Variants in DPYD observed in about 807,000 individuals in gnomAD.
DPYD encodes the protein dihydropyrimidine dehydrogenase.
A neutral mutation model predicts 116.2 loss-of-function variants in DPYD; 109 were observed. That is an observed-to-expected ratio of 0.94 (90% confidence interval 0.80 to 1.10). The LOEUF (loss-of-function observed/expected upper bound fraction) is 1.10. Ranked by LOEUF, DPYD falls within the 50% of genes least tolerant of loss-of-function variation. The probability of loss-of-function intolerance (pLI) is 0.00; values close to 1 mark genes in which losing one functional copy is unlikely to be tolerated. For synonymous variants in DPYD, 440 were observed against 432.0 expected, an observed-to-expected ratio of 1.02 and a Z score of -0.23; for missense variants, 1,302 against 1,254.5, an observed-to-expected ratio of 1.04 and a Z score of -0.57.
At chr1:97,751,460 G>GTATA (rs1553233231) in intron 3 of DPYD, among the ~76,000 whole-genome samples, 724 of 21,202 alleles carry the variant, frequency 0.034, 53 homozygotes, top group Admixed American at 0.1. Context: ...GTGTGTGTGT[G>GTATA]TATATATATA....
intron 16 of DPYD, among the ~76,000 whole-genome samples, chr1:97,347,607 A>C (rs1017429996): frequency 6.6e-6 from 1 of 152,114 alleles, no homozygotes; most frequent in Middle Eastern, 3.4e-3. Flanking sequence ...TTCTTACACT[A>C]ATCTTTCAAT....
At chr1:97,903,027 T>C (rs987490747) in intron 1 of DPYD, among the ~76,000 whole-genome samples, 2 of 151,876 alleles carry the variant, frequency 1.3e-5, no homozygotes, top group Admixed American at 6.6e-5. Context: ...TTAAGGTTAC[T>C]GGGCTGGCAC....
intron 8 of DPYD, among the ~76,000 whole-genome samples, chr1:97,663,366 T>G (rs1335149014): frequency 6.6e-6 from 1 of 152,216 alleles, no homozygotes; most frequent in African/African-American, 2.4e-5. Context: ...TCCCGACTTG[T>G]ACCTATTTCT....
At chr1:97,675,668 A>G (rs770126963) in intron 8 of DPYD, among the ~76,000 whole-genome samples, 3 of 152,182 alleles carry the variant, frequency 2.0e-5, no homozygotes, top group African/African-American at 7.2e-5. Context: ...ATTTTACACA[A>G]TCTAACGTAG....
chr1:97,667,514 T>A (rs1659630888), intron 8 of DPYD, among the ~76,000 whole-genome samples: 1 of 152,148 alleles, frequency 6.6e-6, no homozygotes, highest in Non-Finnish European at 1.5e-5. Flanking sequence ...CATTATATAC[T>A]ACTTACATCC....
At chr1:97,656,842 A>T (rs1176635953) in intron 8 of DPYD, among the ~76,000 whole-genome samples, 1 of 150,806 alleles carries the variant, frequency 6.6e-6, no homozygotes, top group Non-Finnish European at 1.5e-5. Context: ...CAAAAGACTG[A>T]CTGGATCTAT....
chr1:97,644,619 G>T (rs945714646), intron 8 of DPYD, among the ~76,000 whole-genome samples: 103 of 139,378 alleles, frequency 7.4e-4, no homozygotes, highest in Non-Finnish European at 2.5e-4. Flanking sequence ...TTTTGTTTTT[G>T]TTTTTTTTTT....
chr1:97,595,958 T>C (rs941277892), intron 8 of DPYD, among the ~76,000 whole-genome samples: 1 of 152,220 alleles, frequency 6.6e-6, no homozygotes, highest in South Asian at 2.1e-4. Context: ...GAACTTGTCA[T>C]ACTCTTTCAG....
In DPYD at chr1:97,910,197, C is replaced by T. The variant is rs181378933; in HGVS notation, c.39+10687G>A. Among the ~76,000 whole-genome samples the T allele has an allele frequency of 8.8e-3, 1,341 of 152,090 alleles. 9 individuals carry two copies. Among genetic ancestry groups the T allele is most frequent in the Non-Finnish European group, 0.013 (860 of 67,954 alleles). ...CTGTATATTAAAGAAATTTTTTTTA[C>T]TATTGTTCCTCCATTAGAATGCAAT... is the stretch of plus-strand genomic sequence containing the variant. On this transcript the variant is annotated intron_variant, in intron 1 of 22. Coordinates refer to ENST00000370192, the MANE Select transcript of DPYD (RefSeq NM_000110.4).
intron 13 of DPYD, among the ~76,000 whole-genome samples, chr1:97,498,252 C>T (rs1679381970): frequency 6.6e-6 from 1 of 151,570 alleles, no homozygotes; most frequent in African/African-American, 2.4e-5. Context: ...ATGATGGATA[C>T]ACATTTGTGA....
At chr1:97,907,001 C>A (rs1271470502) in intron 1 of DPYD, among the ~76,000 whole-genome samples, 1 of 152,012 alleles carries the variant, frequency 6.6e-6, no homozygotes, top group Non-Finnish European at 1.5e-5. Flanking sequence ...TCCAATATTG[C>A]CACAGTCATC....
At chr1:97,411,643 T>C (rs1008878502) in intron 14 of DPYD, among the ~76,000 whole-genome samples, 6 of 152,236 alleles carry the variant, frequency 3.9e-5, no homozygotes, top group Non-Finnish European at 8.8e-5. Context: ...TGCCTTAATA[T>C]GCAGTTGATG....
At chr1:97,206,678 ATATATATAT>A (rs1269722627) in intron 19 of DPYD, among the ~76,000 whole-genome samples, 2,716 of 89,752 alleles carry the variant, frequency 0.03, 199 homozygotes, top group East Asian at 0.12. Context: ...ATATATATAT[ATATATATAT>A]AATCTATATG....
chr1:97,220,494 C>G (rs552325977), intron 19 of DPYD, among the ~76,000 whole-genome samples: 2 of 152,276 alleles, frequency 1.3e-5, no homozygotes, highest in South Asian at 2.1e-4. Context: ...GAGGGAGCTT[C>G]TAGCATGCAA....
intron 19 of DPYD, among the ~76,000 whole-genome samples, chr1:97,214,862 C>A (rs1299021152): frequency 1.3e-5 from 2 of 152,150 alleles, no homozygotes; most frequent in Admixed American, 6.6e-5. Context: ...GTCTCATTTC[C>A]ATCTTCTTTT....
rs564067118 is a variant in DPYD, at chr1:97,751,429, CGTGTGT to C, written c.234-10956_234-10951del. On this transcript the variant is annotated intron_variant, in intron 3 of 22. Coordinates refer to ENST00000370192, the MANE Select transcript of DPYD (RefSeq NM_000110.4). ...ATATACGTGTATATATATATGTATA[CGTGTGT>C]GTGTGTGTGTGTGTGTGTGTGTGTG... Among the ~76,000 whole-genome samples, 432 of 52,996 alleles carry C rather than the reference CGTGTGT, an allele frequency of 8.2e-3. 16 individuals are homozygous for C. Among genetic ancestry groups the C allele is most frequent in the African/African-American group, 0.032 (408 of 12,864 alleles). 34.8% of individuals were successfully genotyped at this position (52,996 alleles called of 152,430 possible).
Position 97,166,465 on chromosome 1 carries a change from C to T in DPYD, c.2622+26604G>A, listed in dbSNP as rs1427617421. Among the ~76,000 whole-genome samples the T allele has an allele frequency of 4.6e-5, 7 of 152,186 alleles. 1 individual carries two copies. The South Asian group carries it at 1.2e-3, about 27-fold the overall frequency. Reference sequence around the variant, plus strand: ...AATCAGAAAAAATAACTATTGGGTACTAGGACTAGTACCTGTGTGACAAAA... The same window carrying T: ...AATCAGAAAAAATAACTATTGGGTATTAGGACTAGTACCTGTGTGACAAAA... On this transcript the variant is annotated intron_variant, in intron 20 of 22. Coordinates refer to ENST00000370192, the MANE Select transcript of DPYD (RefSeq NM_000110.4).
At chr1:97,087,451 A>G (rs6667364) in intron 21 of DPYD, among the ~76,000 whole-genome samples, 13,210 of 152,232 alleles carry the variant, frequency 0.087, 1,100 homozygotes, top group African/African-American at 0.22. Flanking sequence ...TGATCCAGAA[A>G]ATGAAGTATT....
intron 3 of DPYD, among the ~76,000 whole-genome samples, chr1:97,790,216 T>TA (rs759882163): frequency 2.6e-5 from 4 of 152,200 alleles, no homozygotes; most frequent in Non-Finnish European, 5.9e-5. Context: ...AATTCTGTCT[T>TA]AAAGTTGGCC....
Sources: allele counts gnomAD v4.1 joint callset (sites outside exome capture counted in the v4.1 genomes callset), GRCh38; gene constraint gnomAD v4.1.1; transcripts MANE v1.5; gene names NCBI Gene and HGNC (gene_info 2026-07-23, HGNC 2026-07-21).